ZNF831: variants seen among roughly 807,000 people sequenced by gnomAD.
The protein encoded by ZNF831 is zinc finger protein 831.
Under a neutral mutation model 95.8 loss-of-function variants are expected in ZNF831, and 59 were observed. The ratio of observed to expected loss-of-function variants is 0.62; its 90% confidence interval spans 0.50 to 0.77. ZNF831 has a LOEUF of 0.77. Among genes scored for constraint, ZNF831 ranks in the 30% least tolerant of loss-of-function variants. The pLI is 0.00. For synonymous variants in ZNF831, 961 were observed against 925.5 expected (o/e 1.04, Z -0.70); for missense variants, 2,205 against 2,164.0 (o/e 1.02, Z -0.38).
chr20:59,193,425 C>T lies in ZNF831; in HGVS notation c.2406C>T (p.Ala802=), dbSNP rs1288139507. Residue 802 remains alanine, a synonymous_variant, in exon 2 of 6, where the codon GCC becomes GCT. Coordinates refer to ENST00000371030, the MANE Select transcript of ZNF831 (RefSeq NM_178457.3). ...ATGTTCAGGAGACCTGCCTGTGGGC[C>T]CAGACTGTCCTGAGATGGCCCAGCA... ...VGDVQETCLW[A]QTVLRWPSRG... The T allele has an allele frequency of 3.8e-6, 6 of 1,599,362 alleles. No homozygotes were observed. The highest frequency in any genetic ancestry group is 5.1e-6 in the Non-Finnish European group (6 of 1,173,464).
At chr20:59,196,169 C>T (rs1020324883) in intron 3 of ZNF831, among the ~76,000 whole-genome samples, 164 bp downstream of exon 3, 15 of 152,300 alleles carry the variant, frequency 9.8e-5, no homozygotes, top group South Asian at 2.1e-4. Context: ...TGCAACTCAC[C>T]GCCTGTGTAT....
At chr20:59,236,806 TAA>T (rs1987025071) in intron 4 of ZNF831, among the ~76,000 whole-genome samples, 2 of 152,174 alleles carry the variant, frequency 1.3e-5, no homozygotes. Flanking sequence ...ACTTTAATAA[TAA>T]AAGCCAAAGT....
At chr20:59,196,988 T>G (rs1033472794) in intron 3 of ZNF831, among the ~76,000 whole-genome samples, 1 of 151,278 alleles carries the variant, frequency 6.6e-6, no homozygotes, top group Non-Finnish European at 1.5e-5. Flanking sequence ...GGTTTTGCCA[T>G]GTTGCCCAGG....
chr20:59,248,227 T>A (rs1987715314), intron 4 of ZNF831, among the ~76,000 whole-genome samples: 1 of 152,048 alleles, frequency 6.6e-6, no homozygotes, highest in Non-Finnish European at 1.5e-5. Flanking sequence ...GACAGTGGAG[T>A]TTGTAATTTC....
intron 1 of ZNF831, among the ~76,000 whole-genome samples, chr20:59,180,363 TA>T (rs1323938801): frequency 2.6e-5 from 4 of 152,196 alleles, no homozygotes; most frequent in Admixed American, 2.6e-4. Flanking sequence ...TTTTATTTTT[TA>T]TTTTACTTTA....
upstream of ZNF831, among the ~76,000 whole-genome samples, chr20:59,161,744 G>T (rs1980881659): frequency 6.6e-6 from 1 of 152,298 alleles, no homozygotes; most frequent in South Asian, 2.1e-4. Flanking sequence ...TGTCTTTTTG[G>T]TAGAATGATT....
chr20:59,148,781 A>T (rs1980046957), intron 2 of ZNF831, among the ~76,000 whole-genome samples: 1 of 147,734 alleles, frequency 6.8e-6, no homozygotes, highest in Non-Finnish European at 1.5e-5. Context: ...CTTGAGGCTC[A>T]ATTCCATCCT....
chr20:59,153,223 G>C (rs552023292), intron 2 of ZNF831, among the ~76,000 whole-genome samples: 1 of 152,194 alleles, frequency 6.6e-6, no homozygotes, highest in Non-Finnish European at 1.5e-5. Flanking sequence ...CCGAGCACAC[G>C]TGCATTGGCC....
In ZNF831 at chr20:59,192,511, T is replaced by C. The variant is rs1983669816; in HGVS notation, c.1492T>C (p.Cys498Arg). ...VPTQLSTTVECVPVTRSNSLP... is the reference protein window; with the variant it reads ...VPTQLSTTVERVPVTRSNSLP... ...CACTCAGCTCTCCACCACCGTGGAATGTGTCCCCGTCACCAGGAGCAACTC... is the reference window on the plus strand; with the variant it reads ...CACTCAGCTCTCCACCACCGTGGAACGTGTCCCCGTCACCAGGAGCAACTC... Residue 498 changes from cysteine (C) to arginine (R), a missense_variant, in exon 2 of 6, where the codon TGT (cysteine) becomes CGT (arginine). By Grantham distance (180) the Cys-to-Arg change is radical. Coordinates refer to ENST00000371030, the MANE Select transcript of ZNF831 (RefSeq NM_178457.3). This position sits in a 1 kb window ranked among gnomAD's most constrained non-coding sequence, Gnocchi z 5.2. The C allele has an allele frequency of 7.8e-6, 12 of 1,542,646 alleles. No individual in the cohort carries two copies. Among genetic ancestry groups the C allele is most frequent in the Non-Finnish European group, 9.6e-6 (11 of 1,146,070 alleles).
rs1469492460 is a variant in ZNF831 at position 59,215,234 on chromosome 20, T to C, written c.4027+8178T>C. Among the ~76,000 whole-genome samples, 3 of 152,244 alleles carry C rather than the reference T, an allele frequency of 2.0e-5. 1 individual carries two copies. Among genetic ancestry groups the C allele is most frequent in the Non-Finnish European group, 4.4e-5 (3 of 68,038 alleles). On this transcript the variant is annotated intron_variant, in intron 4 of 5. Coordinates refer to ENST00000371030, the MANE Select transcript of ZNF831 (RefSeq NM_178457.3). The stretch of plus-strand genomic sequence containing the variant: ...TGAGGTTAATTATTTGGGCTTTTGC[T>C]GGGCACATTGGAAGTCGTGCCGCTT...
intron 3 of ZNF831, among the ~76,000 whole-genome samples, chr20:59,201,475 C>T (rs1254652706): frequency 6.6e-6 from 1 of 152,110 alleles, no homozygotes; most frequent in Non-Finnish European, 1.5e-5. Context: ...AACTGTCTTT[C>T]ACTTTGATGA....
rs780455477 is a variant in ZNF831 at position 59,193,930 on chromosome 20, G to T, written c.2911G>T (p.Gly971Trp). The part of the protein sequence containing the change: ...RHSQDSLCSS[G>W]WPEERASFVG... The stretch of plus-strand genomic sequence containing the variant: ...CAGCCAGGACTCTCTCTGCAGCAGT[G>T]GGTGGCCTGAAGAACGGGCATCATT... The change falls in exon 2 of 6, where the codon GGG becomes TGG. Residue 971 changes from glycine to tryptophan, a missense_variant. By Grantham distance (184) the Gly-to-Trp change is radical. Transcript: ENST00000371030. The T allele has an allele frequency of 6.3e-7, 1 of 1,593,010 alleles. No homozygotes were observed. The highest frequency in any genetic ancestry group is 2.2e-5 in the East Asian group (1 of 44,712).
intron 1 of ZNF831, among the ~76,000 whole-genome samples, chr20:59,167,636 A>G (rs1356268274): frequency 6.6e-6 from 1 of 152,058 alleles, no homozygotes; most frequent in Non-Finnish European, 1.5e-5. Context: ...TATATAAGTA[A>G]GATGTGAGGT....
In ZNF831 at chr20:59,217,909, G is replaced by A. The variant is rs1039766108; in HGVS notation, c.4027+10853G>A. Among the ~76,000 whole-genome samples, 17 of 152,218 alleles carry A rather than the reference G, an allele frequency of 1.1e-4. No individual in the cohort carries two copies. The highest frequency in any genetic ancestry group is 3.9e-4 in the African/African-American group (16 of 41,466). On this transcript the variant is annotated intron_variant, in intron 4 of 5. Coordinates refer to ENST00000371030, the MANE Select transcript of ZNF831 (RefSeq NM_178457.3). This position sits in a 1 kb window ranked among gnomAD's most constrained non-coding sequence, Gnocchi z 4.4. ...CAGCAGAGGCACGATGGATCAGCCTGCTCTGGGGGGACTCTGTCACTGCAA... is the reference window on the plus strand; with the variant it reads ...CAGCAGAGGCACGATGGATCAGCCTACTCTGGGGGGACTCTGTCACTGCAA...
rs575904880 is a variant in ZNF831 at position 59,190,889 on chromosome 20, G to A, written c.-36-95G>A. 5.4e-6 allele frequency: 6 copies of A among 1,106,408 alleles called. No individual in the cohort carries two copies. The Admixed American group carries it at 9.9e-5, about 18-fold the overall frequency. The allele number at this position is 1,106,408 out of a possible 1,614,324, so 68.5% of individuals were successfully genotyped here. A position where few individuals can be genotyped will look rare whatever the true frequency, so the allele number is the denominator to read the frequency against. On this transcript the variant is annotated intron_variant, in intron 1 of 5. Coordinates refer to ENST00000371030, the MANE Select transcript of ZNF831 (RefSeq NM_178457.3). Reference sequence around the variant, plus strand: ...TTCCTTAGGGGATTGTCAGGCTTCCGTTGGGTGATGAAGTGCTTGGTGCAG... The same window carrying A: ...TTCCTTAGGGGATTGTCAGGCTTCCATTGGGTGATGAAGTGCTTGGTGCAG...
chr20:59,188,944 G>T (rs139637604), intron 1 of ZNF831, among the ~76,000 whole-genome samples: 1 of 152,280 alleles, frequency 6.6e-6, no homozygotes, highest in South Asian at 2.1e-4. Flanking sequence ...ACTTTGGGAG[G>T]CTGAGGCCAG....
intron 1 of ZNF831, among the ~76,000 whole-genome samples, chr20:59,141,024 C>T (rs932426593): frequency 1.3e-5 from 2 of 152,106 alleles, no homozygotes; most frequent in Admixed American, 6.5e-5. Context: ...CTCAGCCTCC[C>T]GAGTAGCTAG....
rs945776901 is a variant in ZNF831 at position 59,156,025 on chromosome 20, C to T, written c.-1280-3627C>T. Among the ~76,000 whole-genome samples, 5 of 152,152 alleles carry T rather than the reference C, an allele frequency of 3.3e-5. No individual in the cohort carries two copies. In the South Asian group the frequency reaches 6.2e-4, roughly 19 times the overall value. Reference sequence around the variant, plus strand: ...TTGTGTGCTCCCCCTCATGCTCAACCGAAGACTGAAATTCCCAGCGCTTAG... The same window carrying T: ...TTGTGTGCTCCCCCTCATGCTCAACTGAAGACTGAAATTCCCAGCGCTTAG... On this transcript the variant is annotated intron_variant, in intron 2 of 7. Coordinates refer to the ZNF831 transcript ENST00000637017.
intron 4 of ZNF831, among the ~76,000 whole-genome samples, chr20:59,228,134 T>C (rs1600658037): frequency 1.3e-5 from 2 of 152,208 alleles, no homozygotes; most frequent in Non-Finnish European, 2.9e-5. Flanking sequence ...TTCTATCAAA[T>C]GTATGTTTAC....
Sources: gnomAD v4.1 joint callset for allele counts (sites outside exome capture counted in the v4.1 genomes callset) on GRCh38, gnomAD v4.1.1 for gene constraint, Gnocchi (gnomAD v3.1) non-coding constraint, MANE v1.5 for transcripts, NCBI Gene and HGNC (gene_info 2026-07-23, HGNC 2026-07-21) for gene names.